The following GPHN variants were observed in gnomAD, a reference collection of about 807,000 sequenced individuals.
GPHN encodes gephyrin.
In GPHN, 17 loss-of-function variants were observed where a neutral mutation model predicts 95.5. The observed-to-expected ratio is 0.18, with a 90% CI of 0.12 to 0.27. The LOEUF is 0.27. GPHN is among the 10% of genes least tolerant of loss of function. The probability of loss-of-function intolerance (pLI) is 1.00; values close to 1 mark genes in which losing one functional copy is unlikely to be tolerated. For missense variants in GPHN, 660 were observed against 978.1 expected, an observed-to-expected ratio of 0.67 and a Z score of 4.34; for synonymous variants, 320 against 322.5, an observed-to-expected ratio of 0.99 and a Z score of 0.08.
the GPHN span, chr14:67,651,143 T>C: frequency 2.2e-5 from 20 of 922,656 alleles, no homozygotes; most frequent in African/African-American, 1.5e-4. Context: ...TACAGTACTA[T>C]GTAAATTTAA....
chr14:67,536,862 G>A, the GPHN span, among the ~76,000 whole-genome samples: 1 of 151,712 alleles, frequency 6.6e-6, no homozygotes, highest in African/African-American at 2.4e-5. Flanking sequence ...CCAACATGGT[G>A]AAACCCTGTC....
chr14:66,604,217 AT>A (rs1300550198), intron 1 of GPHN, among the ~76,000 whole-genome samples: 3 of 152,046 alleles, frequency 2.0e-5, no homozygotes, highest in Non-Finnish European at 4.4e-5. Context: ...ATCATGATTG[AT>A]TTGTAGGAAC....
chr14:66,803,943 A>T (rs1327826850), intron 3 of GPHN, among the ~76,000 whole-genome samples: 1 of 151,790 alleles, frequency 6.6e-6, no homozygotes, highest in East Asian at 1.9e-4. Flanking sequence ...TTTCTTGAAC[A>T]TATTAATCAT....
the GPHN span, among the ~76,000 whole-genome samples, chr14:67,403,319 T>A: frequency 6.6e-6 from 1 of 152,224 alleles, no homozygotes; most frequent in Non-Finnish European, 1.5e-5. Flanking sequence ...GCAAGGGCAG[T>A]AGCAAAAGAG....
chr14:66,785,998 G>C (rs1011056115), intron 3 of GPHN, among the ~76,000 whole-genome samples: 1 of 152,012 alleles, frequency 6.6e-6, no homozygotes, highest in African/African-American at 2.4e-5. Flanking sequence ...GAAACTAGAA[G>C]AAGAGCAAAA....
intron 1 of GPHN, among the ~76,000 whole-genome samples, chr14:66,510,408 C>T (rs1251960345): frequency 6.6e-6 from 1 of 152,172 alleles, no homozygotes; most frequent in Non-Finnish European, 1.5e-5. Flanking sequence ...TTTCATTTAA[C>T]GAATCAACTT....
chr14:66,545,735 G>T, intron 1 of GPHN, among the ~76,000 whole-genome samples: 3 of 145,286 alleles, frequency 2.1e-5, no homozygotes, highest in Non-Finnish European at 3.0e-5. Context: ...CGGGCGGGGG[G>T]CTGACCCCCC....
chr14:67,323,827 C>T, the GPHN span: 32 of 1,284,962 alleles, frequency 2.5e-5, 2 homozygotes, highest in East Asian at 7.9e-4. Context: ...AGTTTTCACA[C>T]TATTGTACTA....
the GPHN span, among the ~76,000 whole-genome samples, chr14:67,417,465 T>C: frequency 6.6e-6 from 1 of 152,226 alleles, no homozygotes; most frequent in Non-Finnish European, 1.5e-5. Context: ...AGGTTCTTAC[T>C]CTGTTGCCCA....
chr14:67,446,788 T>G, the GPHN span, among the ~76,000 whole-genome samples: 1 of 151,676 alleles, frequency 6.6e-6, no homozygotes, highest in African/African-American at 2.4e-5. Flanking sequence ...GAAATGAGGA[T>G]CCTAAGCTCA....
chr14:67,696,259 G>T, the GPHN span, among the ~76,000 whole-genome samples: 1 of 152,160 alleles, frequency 6.6e-6, no homozygotes, highest in Non-Finnish European at 1.5e-5. Flanking sequence ...CCCAAGTCCA[G>T]TGCCTGGTTC....
chr14:67,296,953 C>A, the GPHN span, among the ~76,000 whole-genome samples: 1 of 152,228 alleles, frequency 6.6e-6, no homozygotes, highest in Admixed American at 6.5e-5. Flanking sequence ...CAGCACCTGG[C>A]CTCCTATGAT....
the GPHN span, among the ~76,000 whole-genome samples, chr14:67,254,027 C>A: frequency 9.5e-4 from 118 of 124,394 alleles, 2 homozygotes; most frequent in East Asian, 0.03. Context: ...TATATTCATC[C>A]CCCCCCCCTT....
chr14:67,635,632 T>C, the GPHN span, among the ~76,000 whole-genome samples: 2 of 152,198 alleles, frequency 1.3e-5, no homozygotes, highest in Non-Finnish European at 2.9e-5. Flanking sequence ...GGTGGGTGGA[T>C]CACCTGAGGT....
the GPHN span, among the ~76,000 whole-genome samples, chr14:67,463,993 G>C: frequency 1.3e-5 from 2 of 152,142 alleles, no homozygotes; most frequent in Admixed American, 6.5e-5. Context: ...TGAGCTCCCA[G>C]GTAGCTTCAG....
rs188537105 is a variant in GPHN at position 66,714,916 on chromosome 14, A to G, written c.143+33731A>G. On this transcript the variant is annotated intron_variant, in intron 2 of 22. Transcript: ENST00000478722. The stretch of plus-strand genomic sequence containing the variant: ...AGGGATTTTAGCATCGATGTTCTTC[A>G]GGGATATTGGTCTGTAGTTTTCTTT... Among the ~76,000 whole-genome samples, 246 of 152,204 alleles carry G rather than the reference A, an allele frequency of 1.6e-3. 4 individuals are homozygous for G. Among genetic ancestry groups the G allele is most frequent in the African/African-American group, 5.7e-3 (237 of 41,510 alleles).
the GPHN span, among the ~76,000 whole-genome samples, chr14:67,543,433 A>G: frequency 1.3e-5 from 2 of 152,222 alleles, no homozygotes; most frequent in Non-Finnish European, 2.9e-5. Flanking sequence ...AGGAATGAAT[A>G]TACATCAGGA....
intron 1 of GPHN, among the ~76,000 whole-genome samples, chr14:66,656,548 C>CA (rs1255012674): frequency 6.6e-6 from 1 of 152,088 alleles, no homozygotes; most frequent in Non-Finnish European, 1.5e-5. Context: ...AGGTTTATGG[C>CA]AATCCTGCAT....
At chr14:67,126,631 C>T (rs1300893233) in intron 17 of GPHN, among the ~76,000 whole-genome samples, 2 of 152,140 alleles carry the variant, frequency 1.3e-5, no homozygotes, top group Non-Finnish European at 2.9e-5. Context: ...AATAGGAACA[C>T]TTTTACACTG....
Sources: gnomAD v4.1 joint callset for allele counts (sites outside exome capture counted in the v4.1 genomes callset) on GRCh38, gnomAD v4.1.1 for gene constraint, MANE v1.5 for transcripts, NCBI Gene and HGNC (gene_info 2026-07-23, HGNC 2026-07-21) for gene names.